Variants in SPATA16 observed in about 807,000 individuals in gnomAD.
The protein encoded by SPATA16 is spermatogenesis associated 16.
SPATA16 carries 36 observed loss-of-function variants against 63.3 expected under a neutral mutation model. The ratio of observed to expected loss-of-function variants is 0.57; its 90% confidence interval spans 0.44 to 0.75. SPATA16 has a LOEUF of 0.75. Ranked by LOEUF, SPATA16 falls within the 30% of genes least tolerant of loss-of-function variation. The probability of loss-of-function intolerance (pLI) is 0.00; values close to 1 mark genes in which losing one functional copy is unlikely to be tolerated. For missense variants in SPATA16, 646 were observed against 679.3 expected (o/e 0.95, Z 0.54); for synonymous variants, 203 against 216.7 (o/e 0.94, Z 0.56).
At position 172,956,707 on chromosome 3, in the gene SPATA16, G is replaced by A; in HGVS notation, c.1051C>T (p.His351Tyr). 6.2e-7 allele frequency: 1 copy of A among 1,612,534 alleles called. No homozygotes were observed. The change falls in exon 6 of 11, where the codon CAT becomes TAT. Residue 351 changes from histidine (H) to tyrosine (Y), a missense_variant. Coordinates refer to ENST00000351008, the MANE Select transcript of SPATA16 (RefSeq NM_031955.6). ...TACATATACTCTGCATATGCAGGATGAGTTTTTGTGAAAGCATCTTTTACT... is the reference window on the plus strand; with the variant it reads ...TACATATACTCTGCATATGCAGGATAAGTTTTTGTGAAAGCATCTTTTACT... ...EKVKDAFTKT[H>Y]PAYAEYMYTD... is the part of the protein sequence containing the mutation.
intron 6 of SPATA16, among the ~76,000 whole-genome samples, chr3:172,943,345 A>T (rs1319678014): frequency 6.6e-6 from 1 of 152,258 alleles, no homozygotes; most frequent in African/African-American, 2.4e-5. Flanking sequence ...TAAATGGAAC[A>T]ACATGTAAAT....
chr3:172,977,534 A>G (rs1053332485), intron 4 of SPATA16, among the ~76,000 whole-genome samples: 1 of 152,112 alleles, frequency 6.6e-6, no homozygotes, highest in Non-Finnish European at 1.5e-5. Flanking sequence ...AAAATAAAAA[A>G]ATCTCCAATT....
intron 5 of SPATA16, among the ~76,000 whole-genome samples, chr3:172,958,486 A>G (rs761855154): frequency 1.3e-5 from 2 of 152,148 alleles, no homozygotes; most frequent in African/African-American, 4.8e-5. Flanking sequence ...GCACATGCCT[A>G]TGTGCAGTGA....
At chr3:173,029,436 GT>G (rs1735550030) in intron 3 of SPATA16, among the ~76,000 whole-genome samples, 1 of 139,632 alleles carries the variant, frequency 7.2e-6, no homozygotes, top group African/African-American at 2.9e-5. Context: ...TTTTGTTGTT[GT>G]TTGTTTGTTT....
At chr3:172,974,201 A>G (rs1476262355) in intron 5 of SPATA16, among the ~76,000 whole-genome samples, 1 of 152,158 alleles carries the variant, frequency 6.6e-6, no homozygotes, top group Non-Finnish European at 1.5e-5. Context: ...TCAAATTTTT[A>G]CATTCTGAAA....
At chr3:172,970,203 G>A (rs577918732) in intron 5 of SPATA16, among the ~76,000 whole-genome samples, 25 of 152,230 alleles carry the variant, frequency 1.6e-4, no homozygotes, top group African/African-American at 4.1e-4. Flanking sequence ...CTCCTGCTCC[G>A]TGATGCCTAT....
intron 6 of SPATA16, among the ~76,000 whole-genome samples, chr3:172,945,324 TAAG>T (rs1480739138): frequency 2.6e-5 from 4 of 152,066 alleles, no homozygotes; most frequent in African/African-American, 9.7e-5. Flanking sequence ...AAAGAGCTAA[TAAG>T]GAGGAGGCAG....
In SPATA16 at chr3:172,924,299, C is replaced by T. The variant is rs1231043672; in HGVS notation, c.1247G>A (p.Gly416Asp). The stretch of plus-strand genomic sequence containing the variant: ...CCTCACTGTATCTTCTCTGGTCAGA[C>T]CGAAAGGTGTTTTATGCTCTAAAAA... ...PIFTEHKTPF[G>D]LTREDTVRQM... Residue 416 changes from glycine (G) to aspartate (D), a missense_variant, in exon 8 of 11, where the codon GGT (glycine) becomes GAT (aspartate). Coordinates refer to ENST00000351008, the MANE Select transcript of SPATA16 (RefSeq NM_031955.6). The T allele has an allele frequency of 6.2e-6, 10 of 1,613,030 alleles. No homozygotes were observed. Among genetic ancestry groups the T allele is most frequent in the Non-Finnish European group, 8.5e-6 (10 of 1,179,492 alleles).
chr3:173,137,194 G>A (rs1399496587), intron 1 of SPATA16, among the ~76,000 whole-genome samples: 1 of 152,196 alleles, frequency 6.6e-6, no homozygotes, highest in Non-Finnish European at 1.5e-5. Context: ...CCAGAAAGAA[G>A]CAGCACTCTG....
intron 2 of SPATA16, among the ~76,000 whole-genome samples, chr3:173,060,956 T>C (rs1310291490): frequency 6.6e-6 from 1 of 152,238 alleles, no homozygotes; most frequent in Non-Finnish European, 1.5e-5. Flanking sequence ...AAGAGATTAA[T>C]CCAAGCCAAA....
At chr3:173,124,776 A>G (rs1461963010) in intron 1 of SPATA16, among the ~76,000 whole-genome samples, 1 of 151,922 alleles carries the variant, frequency 6.6e-6, no homozygotes, top group Non-Finnish European at 1.5e-5. Context: ...CCAATTTTCC[A>G]ATTATTTCAC....
chr3:173,047,037 C>A (rs566032368), intron 3 of SPATA16, among the ~76,000 whole-genome samples: 1 of 151,854 alleles, frequency 6.6e-6, no homozygotes, highest in Admixed American at 6.6e-5. Flanking sequence ...ACATTAAATT[C>A]GGTAATTTTC....
chr3:173,064,516 C>G (rs7624189), intron 2 of SPATA16, among the ~76,000 whole-genome samples: 19 of 151,952 alleles, frequency 1.3e-4, no homozygotes, highest in Non-Finnish European at 2.4e-4. Flanking sequence ...ACTCAAAAAC[C>G]CATTGACAAC....
intron 1 of SPATA16, among the ~76,000 whole-genome samples, chr3:173,135,183 A>T (rs1560135447): frequency 6.6e-6 from 1 of 152,208 alleles, no homozygotes; most frequent in Non-Finnish European, 1.5e-5. Flanking sequence ...ATGATCTCCA[A>T]ATGGTCAGTA....
At chr3:173,103,196 A>T (rs1377134865) in intron 2 of SPATA16, among the ~76,000 whole-genome samples, 1 of 152,182 alleles carries the variant, frequency 6.6e-6, no homozygotes. Context: ...TGAGTGCATG[A>T]TGCTTTTCCA....
At chr3:173,070,075 C>T (rs1271066204) in intron 2 of SPATA16, among the ~76,000 whole-genome samples, 2 of 152,022 alleles carry the variant, frequency 1.3e-5, no homozygotes, top group Non-Finnish European at 2.9e-5. Context: ...GAACACCTTT[C>T]CTCTAAGGCC....
rs371793139 is a variant in SPATA16, at chr3:172,892,585, C to G, written c.1588-2893G>C. 5.7e-4 allele frequency among the ~76,000 whole-genome samples: 87 copies of G among 152,192 alleles called. 3 individuals are homozygous for G. In the East Asian group the frequency reaches 0.011, roughly 19 times the overall value. On this transcript the variant is annotated intron_variant, in intron 10 of 10. Coordinates refer to ENST00000351008, the MANE Select transcript of SPATA16 (RefSeq NM_031955.6). ...TTACTGACGTGTAGGAGAGCTGCAA[C>G]ATGTTTTTTAGAAAAGCTGGTTCTT...
intron 5 of SPATA16, among the ~76,000 whole-genome samples, chr3:172,971,841 T>A (rs1163602070): frequency 1.3e-5 from 2 of 152,104 alleles, no homozygotes; most frequent in African/African-American, 4.8e-5. Flanking sequence ...AGTAAATGCC[T>A]CCTGGTAGGC....
chr3:173,016,702 A>G (rs2108274775), intron 4 of SPATA16, among the ~76,000 whole-genome samples: 1 of 152,246 alleles, frequency 6.6e-6, no homozygotes, highest in East Asian at 1.9e-4. Flanking sequence ...TCAAATCTCC[A>G]ATAGATTGAT....
Sources: allele counts gnomAD v4.1 joint callset (sites outside exome capture counted in the v4.1 genomes callset), GRCh38; gene constraint gnomAD v4.1.1; transcripts MANE v1.5; gene names NCBI Gene and HGNC (gene_info 2026-07-23, HGNC 2026-07-21).